ALOX5: variants seen among roughly 807,000 people sequenced by gnomAD.
ALOX5 encodes polyunsaturated fatty acid 5-lipoxygenase.
ALOX5 carries 64 observed loss-of-function variants against 87.9 expected under a neutral mutation model. That is an observed-to-expected ratio of 0.73 (90% CI 0.60 to 0.90). ALOX5 has a LOEUF of 0.90. Among genes scored for constraint, ALOX5 ranks in the 40% least tolerant of loss-of-function variants. The pLI is 0.00. For synonymous variants in ALOX5, 388 were observed against 355.1 expected, an observed-to-expected ratio of 1.09 and a Z score of -1.04; for missense variants, 822 against 907.5, an observed-to-expected ratio of 0.91 and a Z score of 1.21.
At chr10:45,384,401 A>G (rs890379239) in intron 2 of ALOX5, among the ~76,000 whole-genome samples, 2 of 152,176 alleles carry the variant, frequency 1.3e-5, no homozygotes, top group African/African-American at 4.8e-5. Context: ...GTAACTTTAA[A>G]CAGCCATTTA....
intron 7 of ALOX5, among the ~76,000 whole-genome samples, chr10:45,429,526 C>T (rs376061869): frequency 6.6e-6 from 1 of 152,200 alleles, no homozygotes; most frequent in East Asian, 1.9e-4. Flanking sequence ...CAATCCCTTA[C>T]CCTCGATTCT....
At chr10:45,378,757 G>A (rs777286335) in intron 1 of ALOX5, among the ~76,000 whole-genome samples, 1 of 152,170 alleles carries the variant, frequency 6.6e-6, no homozygotes, top group Non-Finnish European at 1.5e-5. Context: ...CCCTGAGTTG[G>A]GTCAAGGCTG....
At chr10:45,414,469 T>TA (rs2132768190) in intron 4 of ALOX5, among the ~76,000 whole-genome samples, 1 of 152,278 alleles carries the variant, frequency 6.6e-6, no homozygotes, top group African/African-American at 2.4e-5. Flanking sequence ...ATGTTAGACC[T>TA]AAAACCATAA....
intron 4 of ALOX5, among the ~76,000 whole-genome samples, chr10:45,417,027 A>G (rs1212682390): frequency 1.3e-5 from 2 of 152,096 alleles, no homozygotes; most frequent in Admixed American, 1.3e-4. Flanking sequence ...TCTGAAGGTC[A>G]TTGTCATCTC....
intron 6 of ALOX5, among the ~76,000 whole-genome samples, chr10:45,427,014 C>T (rs909991470): frequency 2.0e-5 from 3 of 152,172 alleles, no homozygotes; most frequent in Non-Finnish European, 4.4e-5. Context: ...AATACACTGA[C>T]CTAGAGGGGA....
intron 1 of ALOX5, among the ~76,000 whole-genome samples, chr10:45,374,981 C>T (rs1839545499): frequency 2.0e-5 from 3 of 152,170 alleles, no homozygotes; most frequent in African/African-American, 7.2e-5. Flanking sequence ...GCTCACTCTA[C>T]CGTCTGTCTG....
chr10:45,428,492 C>T, intron 6 of ALOX5, 126 bp from the exon 7 acceptor site: 1 of 1,209,910 alleles, frequency 8.3e-7, no homozygotes, highest in South Asian at 1.4e-5. Flanking sequence ...GAGAAGTACA[C>T]ATTCTGAGCT....
intron 2 of ALOX5, among the ~76,000 whole-genome samples, chr10:45,391,077 G>GTCTCTCTCTCCC (rs1840222014): frequency 5.4e-5 from 3 of 55,560 alleles, no homozygotes; most frequent in Non-Finnish European, 9.1e-5. Context: ...TCTCCCCACG[G>GTCTCTCTCTCCC]TCTCCCTCTC....
At chr10:45,405,801 A>G (rs1251451546) in intron 3 of ALOX5, among the ~76,000 whole-genome samples, 1 of 148,472 alleles carries the variant, frequency 6.7e-6, no homozygotes, top group Non-Finnish European at 1.5e-5. Context: ...CAGTGGCATG[A>G]TCATGGTTCA....
intron 7 of ALOX5, among the ~76,000 whole-genome samples, chr10:45,437,169 A>G (rs1351725035): frequency 1.3e-5 from 2 of 152,352 alleles, no homozygotes; most frequent in East Asian, 1.9e-4. Context: ...CCTGACCAAC[A>G]TGGTGAAACC....
At chr10:45,391,045 CCCTCT>C (rs2132701250) in intron 2 of ALOX5, among the ~76,000 whole-genome samples, 2 of 104,394 alleles carry the variant, frequency 1.9e-5, no homozygotes, top group Admixed American at 9.3e-5. Context: ...CTCCCATCTC[CCCTCT>C]CCCCTCTCCC....
chr10:45,429,504 C>T lies in ALOX5; in HGVS notation c.981+740C>T, dbSNP rs79432451. On this transcript the variant is annotated intron_variant, in intron 7 of 13. Coordinates refer to ENST00000374391, the MANE Select transcript of ALOX5 (RefSeq NM_000698.5). ...TGCCAAGGCTATCCTATGGGTTAAC[C>T]TGCACAGTCCGCAATCCCTTACCCT... Among the ~76,000 whole-genome samples the T allele has an allele frequency of 6.7e-3, 1,026 of 152,324 alleles. 7 individuals are homozygous for T. Among genetic ancestry groups the T allele is most frequent in the African/African-American group, 0.023 (952 of 41,566 alleles).
Position 45,444,155 on chromosome 10 carries a change from A to G in ALOX5, c.1714A>G (p.Met572Val), listed in dbSNP as rs1262038959. The G allele has an allele frequency of 6.4e-7, 1 of 1,554,518 alleles. No homozygotes were observed. The highest frequency in any genetic ancestry group is 1.2e-5 in the South Asian group (1 of 84,320). ...CTGGATCCCCAATGCGCCCCCAACCATGCGAGCCCCGCCACCGACTGCCAA... is the reference window on the plus strand; with the variant it reads ...CTGGATCCCCAATGCGCCCCCAACCGTGCGAGCCCCGCCACCGACTGCCAA... The part of the protein sequence containing the change: ...CSWIPNAPPT[M>V]RAPPPTAKGV... The change falls in exon 13 of 14, where the codon ATG becomes GTG. Residue 572 changes from methionine to valine, a missense_variant. Coordinates refer to ENST00000374391, the MANE Select transcript of ALOX5 (RefSeq NM_000698.5).
chr10:45,406,939 T>A (rs1047285995), intron 3 of ALOX5, among the ~76,000 whole-genome samples: 2 of 152,256 alleles, frequency 1.3e-5, no homozygotes, highest in African/African-American at 4.8e-5. Flanking sequence ...TTGTTTACTA[T>A]TATATTTGCT....
intron 4 of ALOX5, among the ~76,000 whole-genome samples, chr10:45,418,046 C>T (rs746343985): frequency 8.5e-5 from 13 of 152,194 alleles, no homozygotes; most frequent in Admixed American, 4.6e-4. Flanking sequence ...AGGAGCAGAG[C>T]GAAGGAATCC....
At chr10:45,393,375 C>T (rs547159918) in intron 2 of ALOX5, among the ~76,000 whole-genome samples, 31 of 152,316 alleles carry the variant, frequency 2.0e-4, no homozygotes, top group African/African-American at 6.7e-4. Context: ...TCAATAGATG[C>T]AGAAAAGGCC....
chr10:45,387,022 T>C (rs985313610), intron 2 of ALOX5, among the ~76,000 whole-genome samples: 3 of 152,162 alleles, frequency 2.0e-5, no homozygotes, highest in African/African-American at 7.2e-5. Context: ...ATAATGATAA[T>C]GATCATTGTT....
intron 3 of ALOX5, among the ~76,000 whole-genome samples, chr10:45,402,963 C>T (rs1840754326): frequency 6.6e-6 from 1 of 152,262 alleles, no homozygotes; most frequent in Middle Eastern, 3.4e-3. Context: ...CATATGCCCC[C>T]AGATGGGCAA....
At chr10:45,392,384 G>T (rs2132707146) in intron 2 of ALOX5, among the ~76,000 whole-genome samples, 1 of 151,844 alleles carries the variant, frequency 6.6e-6, no homozygotes, top group African/African-American at 2.4e-5. Flanking sequence ...TCTGCCTTGG[G>T]ATCCTGTTGA....
Sources: allele counts gnomAD v4.1 joint callset (sites outside exome capture counted in the v4.1 genomes callset), GRCh38; gene constraint gnomAD v4.1.1; transcripts MANE v1.5; gene names NCBI Gene and HGNC (gene_info 2026-07-23, HGNC 2026-07-21).